The following HNRNPA2B1 variants were observed in gnomAD, a reference collection of about 807,000 sequenced individuals.
HNRNPA2B1 encodes heterogeneous nuclear ribonucleoprotein A2/B1.
HNRNPA2B1 carries 3 observed loss-of-function variants against 46.3 expected under a neutral mutation model. The observed-to-expected ratio is 0.06, with a 90% CI of 0.03 to 0.17. The LOEUF is 0.17. HNRNPA2B1 is among the 10% of genes least tolerant of loss of function. HNRNPA2B1 has a pLI of 1.00. For missense variants in HNRNPA2B1, 221 were observed against 418.9 expected, an observed-to-expected ratio of 0.53 and a Z score of 4.12; for synonymous variants, 225 against 133.8, an observed-to-expected ratio of 1.68 and a Z score of -4.70.
intron 6 of HNRNPA2B1, 152 bp downstream of exon 6, chr7:26,196,249 G>A (rs1371652991): frequency 3.0e-6 from 2 of 669,476 alleles, no homozygotes; most frequent in South Asian, 2.1e-5. Context: ...CTTCTTGTCT[G>A]GCCAAATCAC....
At position 26,200,726 on chromosome 7, in the gene HNRNPA2B1, G is replaced by C. The variant is rs953088474; in HGVS notation, c.-149C>G. 41 of 985,414 alleles carry C rather than the reference G, an allele frequency of 4.2e-5. No homozygotes were observed. Among genetic ancestry groups the C allele is most frequent in the Non-Finnish European group, 5.6e-5 (35 of 626,484 alleles). The allele number at this position is 985,414 out of a possible 1,614,324, so 61.0% of individuals were successfully genotyped here. A position where few individuals can be genotyped will look rare whatever the true frequency, so the allele number is the denominator to read the frequency against. ...ACTCTGCGAGGAGCACCTCCGCACG[G>C]GACCCGGCGCTGCTGCTACTGCCGC... On this transcript the variant is annotated 5_prime_UTR_variant, in exon 1 of 11. Coordinates refer to ENST00000618183, the MANE Select transcript of HNRNPA2B1 (RefSeq NM_002137.4).
rs1163668531 is a variant in HNRNPA2B1, at chr7:26,197,465, T to C, written c.118-4A>G. 55 of 1,612,946 alleles carry C rather than the reference T, an allele frequency of 3.4e-5. No homozygotes were observed. The highest frequency in any genetic ancestry group is 4.7e-5 in the Non-Finnish European group (55 of 1,179,604). Reference sequence around the variant, plus strand: ...TGCTTGCAGGATCCCTCATTACCTTTCAAACCAAAGGGTAAACTTTAGCAT... The same window carrying C: ...TGCTTGCAGGATCCCTCATTACCTTCCAAACCAAAGGGTAAACTTTAGCAT... On this transcript the variant is annotated splice_polypyrimidine_tract_variant and splice_region_variant and intron_variant, in intron 2 of 10. Coordinates refer to ENST00000618183, the MANE Select transcript of HNRNPA2B1 (RefSeq NM_002137.4).
At chr7:26,192,414 T>C (rs1782998536) in intron 10 of HNRNPA2B1, 76 bp from the exon 11 acceptor site, 1 of 918,932 alleles carries the variant, frequency 1.1e-6, no homozygotes. Flanking sequence ...TAAGGAAAGA[T>C]AACATGATCC....
Position 26,197,309 on chromosome 7 carries a change from G to A in HNRNPA2B1, c.264+6C>T, listed in dbSNP as rs1489912120. ...TTAATGCACAAGACAGTCATTGTTT[G>A]CTTACCTCTCTTGCTACAGCACGTT... On this transcript the variant is annotated splice_donor_region_variant and intron_variant, in intron 3 of 10. Transcript: ENST00000618183. The A allele has an allele frequency of 6.2e-7, 1 of 1,604,574 alleles. No homozygotes were observed. The highest frequency in any genetic ancestry group is 8.5e-7 in the Non-Finnish European group (1 of 1,174,802).
chr7:26,199,765 G>C (rs372979037), intron 1 of HNRNPA2B1: 2 of 152,060 alleles, frequency 1.3e-5, no homozygotes, highest in Admixed American at 6.6e-5. Flanking sequence ...GGAAAAAAAA[G>C]ACAGGAAAAA....
At chr7:26,196,019 A>G (rs1783571674) in intron 6 of HNRNPA2B1, 110 bp from the exon 7 acceptor site, 1 of 1,400,818 alleles carries the variant, frequency 7.1e-7, no homozygotes, top group Non-Finnish European at 9.5e-7. Flanking sequence ...GAACCGCAGA[A>G]AAGGACACAC....
chr7:26,192,601 GA>G (rs777702628), intron 9 of HNRNPA2B1, 24 bp from the exon 10 acceptor site: 1 of 1,597,908 alleles, frequency 6.3e-7, no homozygotes. Context: ...AACAGCAAGA[GA>G]AAACAAACTT....
At position 26,191,269 on chromosome 7, in the gene HNRNPA2B1, A is replaced by T. The variant is rs1479485709; in HGVS notation, c.*1091T>A. 1 of 152,212 alleles carries T rather than the reference A, an allele frequency of 6.6e-6. No individual in the cohort carries two copies. Among genetic ancestry groups the T allele is most frequent in the Non-Finnish European group, 1.5e-5 (1 of 68,018 alleles). The allele number at this position is 152,212 out of a possible 1,614,324, so 9.4% of individuals were successfully genotyped here. On this transcript the variant is annotated 3_prime_UTR_variant, in exon 11 of 11. Coordinates refer to ENST00000618183, the MANE Select transcript of HNRNPA2B1 (RefSeq NM_002137.4). ...AATGACAGATTGGAAAACAGGGTTT[A>T]TAAAAATTATTCTCTTGAGTTTATA...
Position 26,197,634 on chromosome 7 carries a change from A to G in HNRNPA2B1, c.105T>C (p.Leu35=). The part of the protein sequence containing the change: ...LRNYYEQWGK[L]TDCVVMRDPA... ...GTAATTTACATACCACACAGTCTGT[A>G]AGCTTTCCCCATTGTTCGTAGTAGT... is the stretch of plus-strand genomic sequence containing the variant. Residue 35 remains leucine (L), a synonymous_variant, in exon 2 of 11, where the codon CTT becomes CTC. Transcript: ENST00000618183. 6.2e-7 allele frequency: 1 copy of G among 1,612,482 alleles called. No individual in the cohort carries two copies. The highest frequency in any genetic ancestry group is 8.5e-7 in the Non-Finnish European group (1 of 1,178,580).
intron 1 of HNRNPA2B1, chr7:26,198,354 C>T (rs1427554861): frequency 6.6e-6 from 1 of 152,530 alleles, no homozygotes; most frequent in Non-Finnish European, 1.5e-5. Flanking sequence ...TAAAGATATG[C>T]ATTAGAAATA....
rs758376231 is a variant in HNRNPA2B1 at position 26,196,544 on chromosome 7, G to A, written c.577+13C>T. ...TATGAACAAAAATAAAGAAGAAACA[G>A]AATTAAAATTACCTCCTCTTCCACT... is the stretch of plus-strand genomic sequence containing the variant. On this transcript the variant is annotated intron_variant, in intron 5 of 10. Coordinates refer to ENST00000618183, the MANE Select transcript of HNRNPA2B1 (RefSeq NM_002137.4). 26 of 1,611,688 alleles carry A rather than the reference G, an allele frequency of 1.6e-5. No homozygotes were observed. The Admixed American group carries it at 4.2e-4, about 26-fold the overall frequency.
Position 26,195,116 on chromosome 7 carries a change from C to T in HNRNPA2B1, c.721+731G>A, listed in dbSNP as rs113951192. ...TCAAAAAAAAAAAAAAAAAAGAAACCATATTAAAAAAAAAAAAAAAGCTTG... is the reference window on the plus strand; with the variant it reads ...TCAAAAAAAAAAAAAAAAAAGAAACTATATTAAAAAAAAAAAAAAAGCTTG... On this transcript the variant is annotated intron_variant, in intron 7 of 10. Coordinates refer to ENST00000618183, the MANE Select transcript of HNRNPA2B1 (RefSeq NM_002137.4). Among the ~76,000 whole-genome samples the T allele has an allele frequency of 9.0e-3, 1,151 of 127,502 alleles. 19 individuals are homozygous for T. The highest frequency in any genetic ancestry group is 0.02 in the African/African-American group (642 of 31,566). 83.6% of individuals were successfully genotyped at this position (127,502 alleles called of 152,430 possible). A position where few individuals can be genotyped will look rare whatever the true frequency, so the allele number is the denominator to read the frequency against.
At chr7:26,199,285 C>T (rs925220993) in intron 1 of HNRNPA2B1, 2 of 152,554 alleles carry the variant, frequency 1.3e-5, no homozygotes, top group Non-Finnish European at 2.9e-5. Flanking sequence ...ACCAGGTAGA[C>T]CCCCTTCGCT....
In HNRNPA2B1 at chr7:26,200,390, G is replaced by A. The variant is rs566816058; in HGVS notation, c.6+182C>T. On this transcript the variant is annotated intron_variant, in intron 1 of 10. Transcript: ENST00000618183. Reference sequence around the variant, plus strand: ...AATGGCGCCGGGAGGCTGAGGGTGGGGAAGCTGTTTGTACGCTCAGGCCTC... The same window carrying A: ...AATGGCGCCGGGAGGCTGAGGGTGGAGAAGCTGTTTGTACGCTCAGGCCTC... 683 of 692,478 alleles carry A rather than the reference G, an allele frequency of 9.9e-4. 1 individual carries two copies. Among genetic ancestry groups the A allele is most frequent in the African/African-American group, 8.9e-3 (506 of 57,134 alleles). The allele number at this position is 692,478 out of a possible 1,614,324, so 42.9% of individuals were successfully genotyped here.
Position 26,195,899 on chromosome 7 carries a change from G to A in HNRNPA2B1, c.669C>T (p.Gly223=), listed in dbSNP as rs767263210. 2 of 1,607,136 alleles carry A rather than the reference G, an allele frequency of 1.2e-6. No homozygotes were observed. The highest frequency in any genetic ancestry group is 1.7e-6 in the Non-Finnish European group (2 of 1,177,846). The part of the protein sequence containing the change: ...SNFRGGSDGY[G]SGRGFGDGYN... ...AGCCATCCCCAAATCCACGTCCACT[G>A]CCATATCCATCTGTTAGGGGCCAAA... The change falls in exon 7 of 11, where the codon GGC becomes GGT. Residue 223 remains glycine (G), a synonymous_variant. Transcript: ENST00000618183.
Position 26,200,613 on chromosome 7 carries a change from C to G in HNRNPA2B1, c.-36G>C. On this transcript the variant is annotated 5_prime_UTR_variant, in exon 1 of 11. Coordinates refer to ENST00000618183, the MANE Select transcript of HNRNPA2B1 (RefSeq NM_002137.4). ...GTCGCTTCAGCCCGATTTCCCGCAG[C>G]CGAGCGAGATGAGAGAGATCTCCGC... 6.2e-7 allele frequency: 1 copy of G among 1,613,462 alleles called. No homozygotes were observed. Among genetic ancestry groups the G allele is most frequent in the Non-Finnish European group, 8.5e-7 (1 of 1,179,976 alleles).
At chr7:26,200,115 G>A (rs186263580) in intron 1 of HNRNPA2B1, 16 of 205,064 alleles carry the variant, frequency 7.8e-5, no homozygotes, top group East Asian at 2.5e-4. Context: ...AAAACGCTGA[G>A]AGGAAGGCGA....
In HNRNPA2B1 at chr7:26,200,725, G is replaced by A. The variant is rs566739502; in HGVS notation, c.-148C>T. On this transcript the variant is annotated 5_prime_UTR_variant, in exon 1 of 11. Transcript: ENST00000618183. ...AACTCTGCGAGGAGCACCTCCGCAC[G>A]GGACCCGGCGCTGCTGCTACTGCCG... 7.7e-5 allele frequency: 76 copies of A among 984,256 alleles called. 1 individual carries two copies. The highest frequency in any genetic ancestry group is 6.8e-4 in the South Asian group (53 of 77,460). The allele number at this position is 984,256 out of a possible 1,614,324, so 61.0% of individuals were successfully genotyped here. A position where few individuals can be genotyped will look rare whatever the true frequency, so the allele number is the denominator to read the frequency against.
intron 9 of HNRNPA2B1, 135 bp downstream of exon 9, chr7:26,193,113 TTTC>T: frequency 1.3e-6 from 1 of 798,448 alleles, no homozygotes; most frequent in Non-Finnish European, 1.9e-6. Flanking sequence ...TTATGCAAAA[TTTC>T]TTTATTTTCA....
Sources: allele counts gnomAD v4.1 joint callset (sites outside exome capture counted in the v4.1 genomes callset), GRCh38; gene constraint gnomAD v4.1.1; transcripts MANE v1.5; gene names NCBI Gene and HGNC (gene_info 2026-07-23, HGNC 2026-07-21).